The following SUMF1 variants were observed in gnomAD, a reference collection of about 807,000 sequenced individuals.
SUMF1 encodes the protein formylglycine-generating enzyme.
Under a neutral mutation model 47.6 loss-of-function variants are expected in SUMF1, and 48 were observed. The ratio of observed to expected loss-of-function variants is 1.01; its 90% CI spans 0.80 to 1.28. The LOEUF (loss-of-function observed/expected upper bound fraction) is 1.28. Among genes scored for constraint, SUMF1 ranks in the 50% most tolerant of loss-of-function variants. The pLI is 0.00. For missense variants in SUMF1, 571 were observed against 485.4 expected (o/e 1.18, Z -1.66); for synonymous variants, 230 against 192.1 (o/e 1.20, Z -1.63).
chr3:4,362,031 T>TA lies in SUMF1; in HGVS notation c.*112dup. On this transcript the variant is annotated 3_prime_UTR_variant, in exon 9 of 9. Coordinates refer to ENST00000272902, the MANE Select transcript of SUMF1 (RefSeq NM_182760.4). The stretch of plus-strand genomic sequence containing the variant: ...TTCCTTTGGCCATTGGGCAGGTATG[T>TA]AACCCACCTCAGGGTGGGAATTCTT... 9.5e-7 allele frequency: 1 copy of TA among 1,052,192 alleles called. No homozygotes were observed. Among genetic ancestry groups the TA allele is most frequent in the South Asian group, 1.4e-5 (1 of 72,688 alleles). The allele number at this position is 1,052,192 out of a possible 1,614,324, so 65.2% of individuals were successfully genotyped here. A position where few individuals can be genotyped will look rare whatever the true frequency, so the allele number is the denominator to read the frequency against.
intron 8 of SUMF1, among the ~76,000 whole-genome samples, chr3:4,078,995 C>G (rs571226808): frequency 6.6e-6 from 1 of 152,078 alleles, no homozygotes; most frequent in South Asian, 2.1e-4. Flanking sequence ...GATGTTTTCT[C>G]GGGAAGCTCT....
chr3:4,307,076 G>A (rs1164045381), intron 8 of SUMF1, among the ~76,000 whole-genome samples: 1 of 152,172 alleles, frequency 6.6e-6, no homozygotes, highest in African/African-American at 2.4e-5. Flanking sequence ...TATGAGGCTA[G>A]AGGCCAAGTA....
intron 8 of SUMF1, among the ~76,000 whole-genome samples, chr3:4,124,002 TC>T (rs1426209380): frequency 6.6e-6 from 1 of 152,146 alleles, no homozygotes; most frequent in Non-Finnish European, 1.5e-5. Context: ...CAGCTCCTTT[TC>T]TAAAAGCTCT....
At chr3:4,286,509 T>C (rs1297714333) in intron 8 of SUMF1, among the ~76,000 whole-genome samples, 3 of 152,176 alleles carry the variant, frequency 2.0e-5, no homozygotes, top group Non-Finnish European at 4.4e-5. Flanking sequence ...ATATGATTGG[T>C]TTATTTTCTG....
chr3:4,245,737 T>A (rs1261676988), intron 8 of SUMF1, among the ~76,000 whole-genome samples: 1 of 152,154 alleles, frequency 6.6e-6, no homozygotes, highest in Admixed American at 6.5e-5. Flanking sequence ...TTATCAGAGC[T>A]TGAATGCCAT....
intron 9 of SUMF1, among the ~76,000 whole-genome samples, chr3:4,061,998 C>A (rs752611770): frequency 1.3e-5 from 2 of 152,082 alleles, no homozygotes; most frequent in Non-Finnish European, 2.9e-5. Context: ...TACACTCAGA[C>A]TCGTTTCTGT....
intron 2 of SUMF1, among the ~76,000 whole-genome samples, chr3:4,451,095 AT>A (rs1300817576): frequency 1.7e-5 from 2 of 114,300 alleles, no homozygotes; most frequent in Admixed American, 8.7e-5. Flanking sequence ...CAATAAAAAA[AT>A]AAAATAAAAT....
chr3:4,130,488 C>T (rs1017762276), intron 8 of SUMF1, among the ~76,000 whole-genome samples: 8 of 152,130 alleles, frequency 5.3e-5, no homozygotes, highest in Non-Finnish European at 1.0e-4. Flanking sequence ...CACAGTGGAC[C>T]ATTACACTGA....
rs1294046184 is a variant in SUMF1 at position 4,452,940 on chromosome 3, T to C, written c.380A>G (p.Asp127Gly). 1 of 1,614,088 alleles carries C rather than the reference T, an allele frequency of 6.2e-7. No individual in the cohort carries two copies. The highest frequency in any genetic ancestry group is 8.5e-7 in the Non-Finnish European group (1 of 1,180,046). ...RRVTIDAFYM[D>G]AYEVSNTEFE... ...TTCAGTATTACTGACTTCATAGGCA[T>C]CCATGTAAAAGGCATCAATAGTAAC... Residue 127 changes from aspartate (D) to glycine (G), a missense_variant, in exon 2 of 9, where the codon GAT becomes GGT. Coordinates refer to ENST00000272902, the MANE Select transcript of SUMF1 (RefSeq NM_182760.4).
At chr3:4,328,104 G>A (rs908460585) in intron 8 of SUMF1, among the ~76,000 whole-genome samples, 13 of 152,228 alleles carry the variant, frequency 8.5e-5, no homozygotes, top group Admixed American at 3.3e-4. Context: ...TGTAGTCCAA[G>A]GTACTTAGGA....
intron 7 of SUMF1, among the ~76,000 whole-genome samples, chr3:4,404,267 C>T (rs1402660809): frequency 1.3e-5 from 2 of 152,196 alleles, no homozygotes; most frequent in Non-Finnish European, 2.9e-5. Context: ...AAATTATTTT[C>T]CCAAGCATAG....
chr3:4,189,295 C>A (rs1695266967), intron 8 of SUMF1, among the ~76,000 whole-genome samples: 1 of 152,068 alleles, frequency 6.6e-6, no homozygotes, highest in Non-Finnish European at 1.5e-5. Flanking sequence ...TTTGCTATCA[C>A]CCACAATTCA....
intron 8 of SUMF1, among the ~76,000 whole-genome samples, chr3:4,127,367 G>A (rs1206068402): frequency 1.3e-5 from 2 of 152,136 alleles, no homozygotes; most frequent in African/African-American, 2.4e-5. Flanking sequence ...GTCTGTGAGG[G>A]TGTTGCCAAA....
intron 8 of SUMF1, among the ~76,000 whole-genome samples, chr3:4,253,723 A>G (rs1197161605): frequency 6.9e-6 from 1 of 144,284 alleles, no homozygotes; most frequent in African/African-American, 2.7e-5. Context: ...TTAGGTAAAC[A>G]AAGCAGCCAG....
intron 3 of SUMF1, among the ~76,000 whole-genome samples, chr3:4,426,962 G>A (rs1702086675): frequency 6.6e-6 from 1 of 152,196 alleles, no homozygotes; most frequent in South Asian, 2.1e-4. Flanking sequence ...TGAGTTTTGA[G>A]GTCCCCTTGA....
At chr3:4,129,931 A>AC (rs34827534) in intron 8 of SUMF1, among the ~76,000 whole-genome samples, 1 of 152,048 alleles carries the variant, frequency 6.6e-6, no homozygotes, top group African/African-American at 2.4e-5. Context: ...AGTTGGCAGA[A>AC]CCCCCACATT....
chr3:4,182,580 G>A (rs1198303569), intron 8 of SUMF1, among the ~76,000 whole-genome samples: 1 of 151,928 alleles, frequency 6.6e-6, no homozygotes, highest in Admixed American at 6.6e-5. Flanking sequence ...TAGTTCAATA[G>A]GCTTTGTTCT....
intron 8 of SUMF1, among the ~76,000 whole-genome samples, chr3:4,368,790 A>T (rs1700072587): frequency 6.6e-6 from 1 of 152,178 alleles, no homozygotes; most frequent in Non-Finnish European, 1.5e-5. Flanking sequence ...GATTACTTCA[A>T]AAGCCTCCAC....
At chr3:4,250,855 G>T (rs535497673) in intron 8 of SUMF1, among the ~76,000 whole-genome samples, 5 of 152,224 alleles carry the variant, frequency 3.3e-5, no homozygotes, top group Admixed American at 1.3e-4. Flanking sequence ...TTTCAAAATA[G>T]TACTGCTCAT....
Sources: gnomAD v4.1 joint callset for allele counts (sites outside exome capture counted in the v4.1 genomes callset) on GRCh38, gnomAD v4.1.1 for gene constraint, MANE v1.5 for transcripts, NCBI Gene and HGNC (gene_info 2026-07-23, HGNC 2026-07-21) for gene names.